The following BDP1 variants were observed in gnomAD, a reference collection of about 807,000 sequenced individuals.
The protein encoded by BDP1 is transcription factor TFIIIB component B'' homolog.
Under a neutral mutation model 266.6 loss-of-function variants are expected in BDP1, and 169 were observed. That is an observed-to-expected ratio of 0.63 (90% CI 0.56 to 0.72). The LOEUF is 0.72. BDP1 is among the 30% of genes least tolerant of loss of function. BDP1 has a pLI of 0.00. For missense variants in BDP1, 3,015 were observed against 3,053.8 expected (o/e 0.99, Z 0.30); for synonymous variants, 1,090 against 1,022.4 (o/e 1.07, Z -1.26).
rs926448919 is a variant in BDP1 at position 71,544,603 on chromosome 5, G to C, written c.6563+96G>C. The C allele has an allele frequency of 6.5e-6, 9 of 1,376,034 alleles. No homozygotes were observed. In the Admixed American group the frequency reaches 1.6e-4, roughly 25 times the overall value. 85.2% of individuals were successfully genotyped at this position (1,376,034 alleles called of 1,614,324 possible). A position where few individuals can be genotyped will look rare whatever the true frequency, so the allele number is the denominator to read the frequency against. On this transcript the variant is annotated intron_variant, in intron 31 of 38. Transcript: ENST00000358731. ...GAATTTGAAAAAGAAGTTCTGGCCG[G>C]GCACGGTGGCTCACGCCTGTAATCC...
At chr5:71,547,415 T>C (rs376157137) in intron 32 of BDP1, among the ~76,000 whole-genome samples, 16 of 152,272 alleles carry the variant, frequency 1.1e-4, no homozygotes, top group African/African-American at 3.4e-4. Flanking sequence ...TGTTCTTCCT[T>C]TTATATCACA....
rs759930765 is a variant in BDP1, at chr5:71,564,917, A to T, written c.*32A>T. 7.0e-6 allele frequency: 11 copies of T among 1,561,294 alleles called. No individual in the cohort carries two copies. The highest frequency in any genetic ancestry group is 2.6e-6 in the Non-Finnish European group (3 of 1,155,566). On this transcript the variant is annotated 3_prime_UTR_variant, in exon 39 of 39. Coordinates refer to ENST00000358731, the MANE Select transcript of BDP1 (RefSeq NM_018429.3). ...CTTTTCTCTTTTTCTTTTTTAAATT[A>T]GGTCTAGGATTTCCAGAGTCAATTA...
intron 38 of BDP1, chr5:71,562,998 T>TCACCCAGGCTGTAGTGCAGTGGCG: frequency 1.2e-6 from 1 of 800,492 alleles, no homozygotes; most frequent in Non-Finnish European, 1.7e-6. Context: ...TGAGCATCTG[T>TCACCCAGGCTGTAGTGCAGTGGCG]TGAACAGCAT....
chr5:71,499,123 G>A (rs987320154), intron 13 of BDP1, among the ~76,000 whole-genome samples: 9 of 147,460 alleles, frequency 6.1e-5, no homozygotes, highest in African/African-American at 1.0e-4. Flanking sequence ...TTTTTGAGAC[G>A]GAGTCTCGCC....
rs952559446 is a variant in BDP1, at chr5:71,515,063, A to T, written c.4590A>T (p.Glu1530Asp). 1 of 1,613,230 alleles carries T rather than the reference A, an allele frequency of 6.2e-7. No individual in the cohort carries two copies. The highest frequency in any genetic ancestry group is 8.5e-7 in the Non-Finnish European group (1 of 1,179,664). Residue 1530 changes from glutamate to aspartate, a missense_variant, in exon 20 of 39, where the codon GAA becomes GAT. Physicochemically the swap from Glu to Asp is conservative, Grantham distance 45. Transcript: ENST00000358731. ...ERNLSPSNSCEPKEESQSAPV... is the reference protein window; with the variant it reads ...ERNLSPSNSCDPKEESQSAPV... ...ACCTTTCACCTTCAAATTCTTGTGA[A>T]CCTAAAGAGGAGTCTCAGTCAGCAC...
At chr5:71,496,308 A>G (rs534974810) in intron 12 of BDP1, among the ~76,000 whole-genome samples, 3 of 152,192 alleles carry the variant, frequency 2.0e-5, no homozygotes, top group South Asian at 2.1e-4. Flanking sequence ...TACTGTCACA[A>G]TGGAAATCAA....
At chr5:71,527,800 G>A (rs1019648972) in intron 25 of BDP1, among the ~76,000 whole-genome samples, 14 of 151,606 alleles carry the variant, frequency 9.2e-5, no homozygotes, top group Middle Eastern at 3.4e-3. Context: ...TTGCTGGATC[G>A]TATGGTAATT....
At chr5:71,485,906 A>G (rs1317765009) in intron 8 of BDP1, among the ~76,000 whole-genome samples, 2 of 152,204 alleles carry the variant, frequency 1.3e-5, no homozygotes, top group Non-Finnish European at 2.9e-5. Context: ...TCAAGTTTTG[A>G]CAAAGAATAT....
intron 16 of BDP1, among the ~76,000 whole-genome samples, chr5:71,506,123 TA>T (rs1764561048): frequency 6.6e-6 from 1 of 152,230 alleles, no homozygotes; most frequent in Non-Finnish European, 1.5e-5. Flanking sequence ...TTATTCTTTT[TA>T]TTTATATTTT....
At chr5:71,462,197 G>A (rs1247725926) in intron 3 of BDP1, among the ~76,000 whole-genome samples, 2 of 151,840 alleles carry the variant, frequency 1.3e-5, no homozygotes, top group African/African-American at 4.8e-5. Context: ...TCCTTACCTC[G>A]GGTGATCCAC....
At chr5:71,515,523 C>A (rs546944278) in intron 20 of BDP1, among the ~76,000 whole-genome samples, 1 of 152,172 alleles carries the variant, frequency 6.6e-6, no homozygotes, top group South Asian at 2.1e-4. Context: ...ATTTCCAAAT[C>A]TAAAAAAATC....
intron 32 of BDP1, among the ~76,000 whole-genome samples, chr5:71,547,336 T>A (rs557227061): frequency 3.7e-4 from 56 of 152,282 alleles, no homozygotes; most frequent in African/African-American, 1.3e-3. Flanking sequence ...TTTCTTTTTT[T>A]TAATTGCTTC....
At chr5:71,551,908 C>A (rs1274478560) in intron 34 of BDP1, among the ~76,000 whole-genome samples, 3 of 147,286 alleles carry the variant, frequency 2.0e-5, no homozygotes, top group African/African-American at 7.6e-5. Flanking sequence ...GGGGGCTGAC[C>A]CCCCCACCTC....
Position 71,489,451 on chromosome 5 carries a change from A to G in BDP1, c.1261A>G (p.Met421Val), listed in dbSNP as rs368234778. 51 of 1,614,000 alleles carry G rather than the reference A, an allele frequency of 3.2e-5. No homozygotes were observed. The highest frequency in any genetic ancestry group is 4.2e-5 in the Non-Finnish European group (49 of 1,179,902). ...EGVNNDPDES[M>V]SSRISDTERS... is the part of the protein sequence containing the mutation. ...AGTGAATAATGATCCAGATGAGTCT[A>G]TGAGTTCTAGAATTTCAGACACGGA... Residue 421 changes from methionine (M) to valine (V), a missense_variant, in exon 10 of 39, where the codon ATG (methionine) becomes GTG (valine). Met to Val is a conservative substitution (Grantham distance 21). This residue lies in a region of BDP1 where 2,383 missense variants were observed against 2,404.9 expected (regional missense o/e 0.99). Transcript: ENST00000358731.
In BDP1 at chr5:71,566,277, A is replaced by G. The variant is rs1315062072; in HGVS notation, c.*1392A>G. ...GTTTTTAAAAAGCCAATTTCTTCAT[A>G]GTTTTTTCCCATTAAATTCTCAAGG... On this transcript the variant is annotated 3_prime_UTR_variant, in exon 39 of 39. Coordinates refer to ENST00000358731, the MANE Select transcript of BDP1 (RefSeq NM_018429.3). The G allele has an allele frequency of 1.3e-5, 2 of 152,612 alleles. No homozygotes were observed. Among genetic ancestry groups the G allele is most frequent in the Non-Finnish European group, 2.9e-5 (2 of 68,060 alleles). The allele number at this position is 152,612 out of a possible 1,614,324, so 9.5% of individuals were successfully genotyped here.
At chr5:71,480,128 T>C (rs1490758049) in intron 7 of BDP1, among the ~76,000 whole-genome samples, 1 of 150,882 alleles carries the variant, frequency 6.6e-6, no homozygotes, top group Non-Finnish European at 1.5e-5. Flanking sequence ...TTTTTTTATT[T>C]TGAGACGGAG....
chr5:71,523,439 G>C (rs545125454), intron 24 of BDP1, among the ~76,000 whole-genome samples: 1 of 151,928 alleles, frequency 6.6e-6, no homozygotes, highest in African/African-American at 2.4e-5. Context: ...TCATCCTCCC[G>C]AGTAGCTGGG....
At chr5:71,559,445 C>T (rs550475103) in intron 36 of BDP1, among the ~76,000 whole-genome samples, 1 of 152,190 alleles carries the variant, frequency 6.6e-6, no homozygotes, top group Non-Finnish European at 1.5e-5. Context: ...AGAACAAGGC[C>T]TTAGCTATAC....
At chr5:71,491,159 T>C in intron 11 of BDP1, 28 bp downstream of exon 11, 1 of 1,604,108 alleles carries the variant, frequency 6.2e-7, no homozygotes, top group Non-Finnish European at 8.5e-7. Flanking sequence ...TCTGGTTTTA[T>C]CCACATCTGT....
Sources: allele counts gnomAD v4.1 joint callset (sites outside exome capture counted in the v4.1 genomes callset), GRCh38; gene constraint gnomAD v4.1.1; regional missense constraint gnomAD v4.1.1; transcripts MANE v1.5; gene names NCBI Gene and HGNC (gene_info 2026-07-23, HGNC 2026-07-21).